Variants in RABGAP1L observed in about 807,000 individuals in gnomAD.
The protein encoded by RABGAP1L is RAB GTPase activating protein 1 like, also known as rab GTPase-activating protein 1-like.
A neutral mutation model predicts 137.7 loss-of-function variants in RABGAP1L; 63 were observed. The observed-to-expected ratio is 0.46, with a 90% confidence interval of 0.37 to 0.56. The LOEUF is 0.56. Among genes scored for constraint, RABGAP1L ranks in the 20% least tolerant of loss-of-function variants. The probability of loss-of-function intolerance (pLI) is 0.00; values close to 1 mark genes in which losing one functional copy is unlikely to be tolerated. For missense variants in RABGAP1L, 1,095 were observed against 1,244.0 expected, an observed-to-expected ratio of 0.88 and a Z score of 1.80; for synonymous variants, 431 against 433.7, an observed-to-expected ratio of 0.99 and a Z score of 0.08.
intron 10 of RABGAP1L, among the ~76,000 whole-genome samples, chr1:174,288,437 TTCTC>T (rs1056926541): frequency 3.9e-5 from 6 of 152,176 alleles, no homozygotes; most frequent in African/African-American, 1.4e-4. Flanking sequence ...GGGAAAGTCT[TTCTC>T]TCTTTCATTT....
intron 1 of RABGAP1L, among the ~76,000 whole-genome samples, chr1:174,214,878 G>A (rs1301992087): frequency 6.6e-6 from 1 of 152,124 alleles, no homozygotes; most frequent in Non-Finnish European, 1.5e-5. Flanking sequence ...CTCAAACTAT[G>A]AAGCTACTAA....
chr1:174,505,093 C>G (rs933431567), intron 13 of RABGAP1L, among the ~76,000 whole-genome samples: 1 of 152,022 alleles, frequency 6.6e-6, no homozygotes, highest in African/African-American at 2.4e-5. Flanking sequence ...AAATGGCCAG[C>G]AGGTATATAA....
chr1:174,903,288 G>A (rs1658442803), intron 19 of RABGAP1L, among the ~76,000 whole-genome samples: 1 of 152,198 alleles, frequency 6.6e-6, no homozygotes, highest in South Asian at 2.1e-4. Flanking sequence ...AGATCATTCT[G>A]TAGCTGGAGT....
In RABGAP1L at chr1:174,290,132, C is replaced by T. The variant is rs549992881; in HGVS notation, c.1323+11353C>T. ...AACCTAGACACCCAGTACTGCCAAC[C>T]ATACTCCCTGGCCAGACTGGGTGCC... On this transcript the variant is annotated intron_variant, in intron 10 of 25. Coordinates refer to ENST00000681986, the MANE Select transcript of RABGAP1L (RefSeq NM_001366446.1). 2.6e-5 allele frequency among the ~76,000 whole-genome samples: 4 copies of T among 152,266 alleles called. No homozygotes were observed. The South Asian group carries it at 8.3e-4, about 32-fold the overall frequency.
intron 19 of RABGAP1L, among the ~76,000 whole-genome samples, chr1:174,843,027 A>G (rs1693589187): frequency 6.6e-6 from 1 of 152,146 alleles, no homozygotes; most frequent in East Asian, 1.9e-4. Context: ...ATTACTTTTT[A>G]TAACTGTAAA....
intron 19 of RABGAP1L, among the ~76,000 whole-genome samples, chr1:174,820,465 T>C (rs1690899474): frequency 6.6e-6 from 1 of 152,170 alleles, no homozygotes; most frequent in South Asian, 2.1e-4. Context: ...CTGACACTGG[T>C]ACACCACAGG....
chr1:174,369,202 T>G (rs1207590580), intron 11 of RABGAP1L, among the ~76,000 whole-genome samples: 1 of 152,168 alleles, frequency 6.6e-6, no homozygotes. Flanking sequence ...AATAATTTTT[T>G]TTTTTGAGAT....
intron 19 of RABGAP1L, among the ~76,000 whole-genome samples, chr1:174,834,426 GAA>G (rs67502774): frequency 5.4e-5 from 7 of 129,620 alleles, no homozygotes; most frequent in Admixed American, 7.8e-5. Flanking sequence ...AACTCCGTCT[GAA>G]AAAAAAAAAA....
intron 22 of RABGAP1L, 92 bp from the exon 23 acceptor site, chr1:174,978,715 C>T (rs1574064366): frequency 2.3e-6 from 3 of 1,322,434 alleles, no homozygotes; most frequent in East Asian, 5.8e-5. Context: ...ACCATTGTTA[C>T]TGACTATGAA....
At chr1:174,528,905 A>T in intron 13 of RABGAP1L, among the ~76,000 whole-genome samples, 1 of 142,528 alleles carries the variant, frequency 7.0e-6, no homozygotes, top group Non-Finnish European at 1.5e-5. Context: ...ATTCTTTTTT[A>T]TTTTTGGTCT....
intron 19 of RABGAP1L, chr1:174,874,638 C>A: frequency 2.5e-6 from 1 of 399,158 alleles, no homozygotes. Flanking sequence ...GCGATAACTG[C>A]AGACACTCAG....
chr1:174,627,653 A>T (rs1673021703), intron 13 of RABGAP1L, among the ~76,000 whole-genome samples: 1 of 152,102 alleles, frequency 6.6e-6, no homozygotes, highest in Admixed American at 6.6e-5. Context: ...TTTTTTTGAG[A>T]ATAAGTTTAG....
intron 10 of RABGAP1L, among the ~76,000 whole-genome samples, chr1:174,297,455 C>T (rs1197423414): frequency 1.3e-5 from 2 of 152,196 alleles, no homozygotes; most frequent in Non-Finnish European, 2.9e-5. Context: ...CCAGGTTCCT[C>T]CTGCTGCAAA....
At chr1:174,640,829 T>C (rs1483046804) in intron 14 of RABGAP1L, among the ~76,000 whole-genome samples, 2 of 151,618 alleles carry the variant, frequency 1.3e-5, no homozygotes. Flanking sequence ...CTTTTCTTGC[T>C]CCTGATTTGA....
intron 11 of RABGAP1L, among the ~76,000 whole-genome samples, chr1:174,352,821 C>T (rs1683311912): frequency 6.6e-6 from 1 of 152,174 alleles, no homozygotes; most frequent in Non-Finnish European, 1.5e-5. Context: ...ATGTAATGAT[C>T]CTTGTGGAAT....
chr1:174,540,407 T>C (rs1222979431), intron 13 of RABGAP1L, among the ~76,000 whole-genome samples: 3 of 152,236 alleles, frequency 2.0e-5, no homozygotes, highest in Admixed American at 2.0e-4. Flanking sequence ...GGTTTTCCCC[T>C]AGGGTTTTTA....
intron 20 of RABGAP1L, among the ~76,000 whole-genome samples, chr1:174,962,196 A>AC (rs146127956): frequency 0.099 from 7,660 of 77,448 alleles, 966 homozygotes; most frequent in East Asian, 0.38. Flanking sequence ...ATAAAAATAC[A>AC]CCCCCCCCCC....
intron 13 of RABGAP1L, among the ~76,000 whole-genome samples, chr1:174,622,866 C>A (rs115421332): frequency 6.6e-6 from 1 of 151,898 alleles, no homozygotes; most frequent in Non-Finnish European, 1.5e-5. Context: ...TAAAAAATAC[C>A]GAAATTTTTG....
intron 13 of RABGAP1L, among the ~76,000 whole-genome samples, chr1:174,395,565 C>A (rs1045223847): frequency 6.6e-6 from 1 of 152,072 alleles, no homozygotes; most frequent in Non-Finnish European, 1.5e-5. Context: ...AAAACTCTTA[C>A]ATCTTCACAC....
Sources: gnomAD v4.1 joint callset for allele counts (sites outside exome capture counted in the v4.1 genomes callset) on GRCh38, gnomAD v4.1.1 for gene constraint, MANE v1.5 for transcripts, NCBI Gene and HGNC (gene_info 2026-07-23, HGNC 2026-07-21) for gene names.